NPEPPS: variants seen among roughly 807,000 people sequenced by gnomAD.
The protein encoded by NPEPPS is aminopeptidase puromycin sensitive.
NPEPPS carries 14 observed loss-of-function variants against 115.5 expected under a neutral mutation model. The observed-to-expected ratio is 0.12, with a 90% CI of 0.08 to 0.19. NPEPPS has a LOEUF of 0.19. Ranked by LOEUF, NPEPPS falls within the 10% of genes least tolerant of loss-of-function variation. The probability of loss-of-function intolerance (pLI) is 1.00; values close to 1 mark genes in which losing one functional copy is unlikely to be tolerated. For synonymous variants in NPEPPS, 285 were observed against 390.6 expected (o/e 0.73, Z 3.19); for missense variants, 523 against 1,110.8 (o/e 0.47, Z 7.52).
chr17:47,619,833 A>T, intron 22 of NPEPPS, 49 bp downstream of exon 22: 1 of 1,353,316 alleles, frequency 7.4e-7, no homozygotes, highest in South Asian at 1.2e-5. Context: ...GTAAGTAAAA[A>T]CAATAACCTG....
intron 9 of NPEPPS, among the ~76,000 whole-genome samples, chr17:47,588,564 CAA>C (rs143068684): frequency 6.0e-5 from 8 of 132,700 alleles, no homozygotes; most frequent in Admixed American, 7.7e-5. Flanking sequence ...AACTCCATCT[CAA>C]AAAAAAAAAA....
intron 1 of NPEPPS, among the ~76,000 whole-genome samples, chr17:47,539,365 C>A (rs543143312): frequency 2.6e-5 from 4 of 152,236 alleles, no homozygotes; most frequent in African/African-American, 9.6e-5. Context: ...GTTTTGAACA[C>A]CATACAAGTA....
chr17:47,541,912 A>G (rs1908795888), intron 1 of NPEPPS, among the ~76,000 whole-genome samples: 1 of 152,184 alleles, frequency 6.6e-6, no homozygotes, highest in Non-Finnish European at 1.5e-5. Flanking sequence ...GAGCCAAAGT[A>G]GTTTCACTTT....
chr17:47,601,693 C>T lies in NPEPPS; in HGVS notation c.1686C>T (p.Asp562=). The T allele has an allele frequency of 1.2e-6, 2 of 1,613,148 alleles. No individual in the cohort carries two copies. The highest frequency in any genetic ancestry group is 1.7e-6 in the Non-Finnish European group (2 of 1,179,628). ...AGGCCAAACTAAAAATTCTAATGGA[C>T]AAGCCAGAGATGAATGTGGTTTTGA... ...PNQAKLKILM[D]KPEMNVVLKN... Residue 562 remains aspartate, a synonymous_variant, in exon 15 of 23, where the codon GAC becomes GAT. Transcript: ENST00000322157.
chr17:47,531,369 C>CAG lies in NPEPPS; in HGVS notation c.69_70insAG (p.Leu24SerfsTer64), dbSNP rs1907750229. ...TCTTCCTCGGCCCTCCGCCTCCTCC[C>CAG]CTCCTCCTTCTCGTCTTCAGCCGCT... On this transcript the variant is annotated frameshift_variant, in exon 1 of 23. Coordinates refer to ENST00000322157, the MANE Select transcript of NPEPPS (RefSeq NM_006310.4). LOFTEE classifies it high-confidence loss of function. The CAG allele has an allele frequency of 6.5e-7, 1 of 1,533,314 alleles. No homozygotes were observed. Among genetic ancestry groups the CAG allele is most frequent in the Non-Finnish European group, 8.8e-7 (1 of 1,134,222 alleles). 95.0% of individuals were successfully genotyped at this position (1,533,314 alleles called of 1,614,324 possible).
Position 47,615,490 on chromosome 17 carries a change from A to C in NPEPPS, c.2295+1765A>C, listed in dbSNP as rs184966081. 9.6e-3 allele frequency among the ~76,000 whole-genome samples: 1,459 copies of C among 152,208 alleles called. 13 individuals carry two copies. Among genetic ancestry groups the C allele is most frequent in the Middle Eastern group, 0.051 (15 of 294 alleles). On this transcript the variant is annotated intron_variant, in intron 19 of 22. Coordinates refer to ENST00000322157, the MANE Select transcript of NPEPPS (RefSeq NM_006310.4). ...GAGGAGCGCTTGAGCCCAGGAGTTC[A>C]AGGCTGCAGGGAGCTATGATTGTGC... is the stretch of plus-strand genomic sequence containing the variant.
chr17:47,544,183 C>T (rs1374129615), intron 1 of NPEPPS, among the ~76,000 whole-genome samples: 5 of 152,020 alleles, frequency 3.3e-5, no homozygotes, highest in East Asian at 1.9e-4. Context: ...CGTGAGCCAC[C>T]GTGCCCGGCC....
At chr17:47,573,612 T>G (rs1484656295) in intron 3 of NPEPPS, among the ~76,000 whole-genome samples, 1 of 152,136 alleles carries the variant, frequency 6.6e-6, no homozygotes, top group Non-Finnish European at 1.5e-5. Context: ...ATCCCAACAC[T>G]TTGGGAGGCT....
At chr17:47,524,676 T>TGTATA (rs1189964245) in intron 1 of NPEPPS, among the ~76,000 whole-genome samples, 1 of 149,924 alleles carries the variant, frequency 6.7e-6, no homozygotes, top group Non-Finnish European at 1.5e-5. Flanking sequence ...TTTTTTTTTT[T>TGTATA]TGTATTTTTA....
chr17:47,571,050 C>T (rs533072602), intron 3 of NPEPPS, among the ~76,000 whole-genome samples: 14 of 152,202 alleles, frequency 9.2e-5, no homozygotes, highest in Admixed American at 8.5e-4. Flanking sequence ...ATTTGTTCAA[C>T]ACTAAGGAAA....
chr17:47,546,630 G>T (rs566151087), intron 2 of NPEPPS, among the ~76,000 whole-genome samples: 1 of 151,966 alleles, frequency 6.6e-6, no homozygotes, highest in Non-Finnish European at 1.5e-5. Context: ...TCTCTGCCTC[G>T]TGGGTTCAAG....
chr17:47,605,606 TG>T, intron 17 of NPEPPS, 54 bp downstream of exon 17: 1 of 1,084,670 alleles, frequency 9.2e-7, no homozygotes. Flanking sequence ...TACTTTTTTA[TG>T]TGGTTAACAA....
chr17:47,612,377 C>T, intron 17 of NPEPPS, 83 bp from the exon 18 acceptor site: 1 of 1,408,092 alleles, frequency 7.1e-7, no homozygotes, highest in Non-Finnish European at 9.8e-7. Flanking sequence ...ATTGGTATAG[C>T]ACAATTATAA....
At position 47,554,717 on chromosome 17, in the gene NPEPPS, G is replaced by A. The variant is rs146732869; in HGVS notation, c.340+8724G>A. On this transcript the variant is annotated intron_variant, in intron 2 of 22. Transcript: ENST00000322157. ...CCTTCTTCTTTGACATTTCCAAACT[G>A]CTAGCATCACTACTCTTGTGCTTTG... 5.8e-3 allele frequency among the ~76,000 whole-genome samples: 881 copies of A among 152,196 alleles called. 10 individuals carry two copies. The highest frequency in any genetic ancestry group is 0.02 in the African/African-American group (819 of 41,506).
intron 2 of NPEPPS, among the ~76,000 whole-genome samples, chr17:47,557,800 A>G (rs1910150450): frequency 6.7e-6 from 1 of 149,316 alleles, no homozygotes; most frequent in African/African-American, 2.4e-5. Flanking sequence ...AAAATATGTA[A>G]TTTGATAAGT....
At chr17:47,602,479 G>GA (rs1030791988) in intron 15 of NPEPPS, among the ~76,000 whole-genome samples, 23 of 150,196 alleles carry the variant, frequency 1.5e-4, no homozygotes, top group South Asian at 1.5e-3. Context: ...CTAAAGATAC[G>GA]AAAAAAAAAT....
At chr17:47,573,923 A>G (rs1439013058) in intron 3 of NPEPPS, among the ~76,000 whole-genome samples, 1 of 151,968 alleles carries the variant, frequency 6.6e-6, no homozygotes, top group East Asian at 1.9e-4. Context: ...ATTACAGACT[A>G]TATATATTCT....
At chr17:47,545,582 T>TCAGTTG (rs1293836031) in intron 1 of NPEPPS, among the ~76,000 whole-genome samples, 1 of 152,118 alleles carries the variant, frequency 6.6e-6, no homozygotes, top group Non-Finnish European at 1.5e-5. Context: ...AGAGTCTTGC[T>TCAGTTG]CAGTTGCCCA....
intron 17 of NPEPPS, among the ~76,000 whole-genome samples, chr17:47,610,818 G>C (rs1305368788): frequency 1.4e-5 from 2 of 146,888 alleles, no homozygotes; most frequent in Admixed American, 6.8e-5. Flanking sequence ...ATACCTAAGA[G>C]TGAAATTGCT....
Sources: allele counts gnomAD v4.1 joint callset (sites outside exome capture counted in the v4.1 genomes callset), GRCh38; gene constraint gnomAD v4.1.1; transcripts MANE v1.5; gene names NCBI Gene and HGNC (gene_info 2026-07-23, HGNC 2026-07-21).